DOCK4: variants seen among roughly 807,000 people sequenced by gnomAD.
DOCK4 encodes dedicator of cytokinesis protein 4.
Under a neutral mutation model 268.1 loss-of-function variants are expected in DOCK4, and 97 were observed. That is an observed-to-expected ratio of 0.36 (90% CI 0.31 to 0.43). The LOEUF is 0.43. Among genes scored for constraint, DOCK4 ranks in the 20% least tolerant of loss-of-function variants. The pLI is 1.00. For synonymous variants in DOCK4, 954 were observed against 887.2 expected, an observed-to-expected ratio of 1.08 and a Z score of -1.34; for missense variants, 2,145 against 2,455.7, an observed-to-expected ratio of 0.87 and a Z score of 2.67.
intron 3 of DOCK4, among the ~76,000 whole-genome samples, chr7:112,000,226 AC>A (rs1356069026): frequency 6.6e-6 from 1 of 152,154 alleles, no homozygotes; most frequent in East Asian, 1.9e-4. Flanking sequence ...CTGAGAAACT[AC>A]CACTTCAAAA....
In DOCK4 at chr7:111,827,108, TA is replaced by T. The variant is rs377094427; in HGVS notation, c.2836-4653del. On this transcript the variant is annotated intron_variant, in intron 26 of 52. Coordinates refer to ENST00000428084, the MANE Select transcript of DOCK4 (RefSeq NM_001363540.2). ...CCCTCAGACTATACTCAAATGTCAT[TA>T]AAAAAATTTGCCATAAATTTCAAAC... is the stretch of plus-strand genomic sequence containing the variant. Among the ~76,000 whole-genome samples, 912 of 152,220 alleles carry T rather than the reference TA, an allele frequency of 6.0e-3. 8 individuals carry two copies. Among genetic ancestry groups the T allele is most frequent in the African/African-American group, 0.021 (875 of 41,542 alleles).
intron 50 of DOCK4, among the ~76,000 whole-genome samples, chr7:111,735,819 A>G (rs1795434524): frequency 6.6e-6 from 1 of 152,228 alleles, no homozygotes; most frequent in South Asian, 2.1e-4. Flanking sequence ...AATGAGGTTT[A>G]CAACAGCAAA....
intron 13 of DOCK4, among the ~76,000 whole-genome samples, chr7:111,907,046 G>A (rs1402257769): frequency 6.6e-6 from 1 of 152,170 alleles, no homozygotes; most frequent in African/African-American, 2.4e-5. Flanking sequence ...CCTTCAAGGA[G>A]GAGGAAGGAA....
At position 111,769,535 on chromosome 7, in the gene DOCK4, T is replaced by C. The variant is rs374251975; in HGVS notation, c.3822A>G (p.Arg1274=). The C allele has an allele frequency of 6.2e-7, 1 of 1,613,624 alleles. No homozygotes were observed. The highest frequency in any genetic ancestry group is 8.5e-7 in the Non-Finnish European group (1 of 1,179,714). The change falls in exon 37 of 53, where the codon AGA becomes AGG. Residue 1274 remains arginine (R), a synonymous_variant. Transcript: ENST00000428084. ...GCGGGGCAGGGCCACTTACTTTGCC[T>C]CTGTCAAAGTTCTGGATGATGGTGA... ...LHLTIIQNFD[R]GKCWENGIIL...
Position 112,151,207 on chromosome 7 carries a change from G to T in DOCK4, c.37+54895C>A, listed in dbSNP as rs114384526. Among the ~76,000 whole-genome samples the T allele has an allele frequency of 2.4e-3, 362 of 152,204 alleles. 1 individual carries two copies. The highest frequency in any genetic ancestry group is 8.5e-3 in the African/African-American group (352 of 41,550). On this transcript the variant is annotated intron_variant, in intron 1 of 52. Transcript: ENST00000428084. ...GGGCAATTTAGTGGTTAACGCCTGG[G>T]GCTTTGGCATCAGAACGGGAGCTGG... is the stretch of plus-strand genomic sequence containing the variant.
At chr7:111,982,775 A>T (rs1406727588) in intron 7 of DOCK4, among the ~76,000 whole-genome samples, 1 of 152,224 alleles carries the variant, frequency 6.6e-6, no homozygotes, top group African/African-American at 2.4e-5. Flanking sequence ...GAACATATAG[A>T]GGTATACACA....
At chr7:111,803,617 G>GAA (rs1800457921) in intron 30 of DOCK4, among the ~76,000 whole-genome samples, 1 of 152,086 alleles carries the variant, frequency 6.6e-6, no homozygotes, top group South Asian at 2.1e-4. Flanking sequence ...AAAATAGAAA[G>GAA]AAAAACTTAA....
rs1041475119 is a variant in DOCK4 at position 111,792,594 on chromosome 7, G to C, written c.3167-1989C>G. On this transcript the variant is annotated intron_variant, in intron 30 of 52. Coordinates refer to ENST00000428084, the MANE Select transcript of DOCK4 (RefSeq NM_001363540.2). The stretch of plus-strand genomic sequence containing the variant: ...GACGGGGTTTTACCATGTTGCCCAG[G>C]CTGGTCTTGAACTCCTGACCTCAGG... Among the ~76,000 whole-genome samples the C allele has an allele frequency of 2.4e-4, 36 of 152,032 alleles. 1 individual carries two copies. The highest frequency in any genetic ancestry group is 8.5e-4 in the African/African-American group (35 of 41,370).
intron 16 of DOCK4, among the ~76,000 whole-genome samples, chr7:111,888,168 C>T (rs1270194093): frequency 6.6e-6 from 1 of 151,226 alleles, no homozygotes; most frequent in Non-Finnish European, 1.5e-5. Context: ...CAGGTAGATG[C>T]TAACCTATAG....
intron 12 of DOCK4, among the ~76,000 whole-genome samples, chr7:111,929,220 C>A (rs1793990927): frequency 6.6e-6 from 1 of 151,696 alleles, no homozygotes; most frequent in Admixed American, 6.6e-5. Flanking sequence ...CTGATATAAT[C>A]CTTAAGGATC....
intron 1 of DOCK4, among the ~76,000 whole-genome samples, chr7:112,193,724 C>A (rs1820176058): frequency 6.6e-6 from 1 of 151,998 alleles, no homozygotes; most frequent in South Asian, 2.1e-4. Context: ...GGTTGAGGAT[C>A]CTGCTTCTAC....
intron 1 of DOCK4, among the ~76,000 whole-genome samples, chr7:112,112,145 G>C (rs774984512): frequency 8.5e-5 from 13 of 152,150 alleles, no homozygotes; most frequent in Non-Finnish European, 1.5e-4. Context: ...TGTTGGAGGT[G>C]GGCTTAGTGG....
In DOCK4 at chr7:112,057,573, G is replaced by A. The variant is rs148220602; in HGVS notation, c.38-53442C>T. Among the ~76,000 whole-genome samples, 656 of 149,644 alleles carry A rather than the reference G, an allele frequency of 4.4e-3. 8 individuals are homozygous for A. Among genetic ancestry groups the A allele is most frequent in the African/African-American group, 0.015 (622 of 40,574 alleles). On this transcript the variant is annotated intron_variant, in intron 1 of 52. Transcript: ENST00000428084. ...CCCAAAAAATAAAAAAAAAAAAAAT[G>A]AATAAGCCTTGGAATATAGCAAGAC... is the stretch of plus-strand genomic sequence containing the variant.
At chr7:112,199,879 T>A (rs1384934970) in intron 1 of DOCK4, among the ~76,000 whole-genome samples, 1 of 152,248 alleles carries the variant, frequency 6.6e-6, no homozygotes, top group East Asian at 1.9e-4. Context: ...ATACAAGTAC[T>A]AAAAGAGAAA....
intron 13 of DOCK4, 132 bp from the exon 14 acceptor site, chr7:111,901,933 T>C: frequency 8.9e-6 from 6 of 674,366 alleles, no homozygotes; most frequent in Non-Finnish European, 1.4e-5. Flanking sequence ...TATATTTGCA[T>C]TTTTATAAAA....
intron 42 of DOCK4, among the ~76,000 whole-genome samples, chr7:111,752,578 G>GTTTTTTTTT (rs56037303): frequency 9.7e-5 from 8 of 82,212 alleles, no homozygotes; most frequent in African/African-American, 2.1e-4. Context: ...ATCAGCTTAG[G>GTTTTTTTTT]TTTTTTTTTT....
intron 1 of DOCK4, among the ~76,000 whole-genome samples, chr7:112,069,980 C>CT (rs1231652346): frequency 1.3e-5 from 2 of 152,080 alleles, no homozygotes; most frequent in Non-Finnish European, 2.9e-5. Flanking sequence ...GAAAGAAAAG[C>CT]TGGTCAGTTT....
chr7:111,764,512 A>C (rs1310727511), intron 39 of DOCK4, among the ~76,000 whole-genome samples: 1 of 152,230 alleles, frequency 6.6e-6, no homozygotes, highest in Non-Finnish European at 1.5e-5. Context: ...GTATTCAATA[A>C]ATATTCAAGC....
intron 1 of DOCK4, among the ~76,000 whole-genome samples, chr7:112,196,764 T>C (rs1460113223): frequency 6.6e-6 from 1 of 152,164 alleles, no homozygotes; most frequent in East Asian, 1.9e-4. Context: ...AATCCAGCTT[T>C]ATTGAGGTAT....
Sources: gnomAD v4.1 joint callset for allele counts (sites outside exome capture counted in the v4.1 genomes callset) on GRCh38, gnomAD v4.1.1 for gene constraint, MANE v1.5 for transcripts, NCBI Gene and HGNC (gene_info 2026-07-23, HGNC 2026-07-21) for gene names.